Variants in ARPC3 observed in about 807,000 individuals in gnomAD.
ARPC3 encodes actin-related protein 2/3 complex subunit 3.
Under a neutral mutation model 27.6 loss-of-function variants are expected in ARPC3, and 12 were observed. The observed-to-expected ratio is 0.43, with a 90% CI of 0.28 to 0.70. The LOEUF (loss-of-function observed/expected upper bound fraction) is 0.70. Ranked by LOEUF, ARPC3 falls within the 30% of genes least tolerant of loss-of-function variation. The probability of loss-of-function intolerance (pLI) is 0.17; values close to 1 mark genes in which losing one functional copy is unlikely to be tolerated. For missense variants in ARPC3, 153 were observed against 207.7 expected, an observed-to-expected ratio of 0.74 and a Z score of 1.62; for synonymous variants, 53 against 67.2, an observed-to-expected ratio of 0.79 and a Z score of 1.03.
chr12:110,448,839 G>C (rs144256132), intron 1 of ARPC3, among the ~76,000 whole-genome samples: 5 of 143,998 alleles, frequency 3.5e-5, no homozygotes, highest in African/African-American at 5.1e-5. Flanking sequence ...GCAGTGGCAC[G>C]GTCTCGGCTC....
Position 110,437,165 on chromosome 12 carries a change from AAAG to A in ARPC3, c.184-16_184-14del, listed in dbSNP as rs1224519970. 1 of 1,535,744 alleles carries A rather than the reference AAAG, an allele frequency of 6.5e-7. No individual in the cohort carries two copies. The highest frequency in any genetic ancestry group is 1.4e-5 in the African/African-American group (1 of 73,346). ...TATCAGCTTCATTCTACAGGGAGAA[AAAG>A]AAGACTTAAAAACAGTTATCAAAAC... On this transcript the variant is annotated splice_polypyrimidine_tract_variant and intron_variant, in intron 3 of 6. Coordinates refer to ENST00000228825, the MANE Select transcript of ARPC3 (RefSeq NM_001278556.2).
At position 110,440,401 on chromosome 12, in the gene ARPC3, C is replaced by CA. The variant is rs1377998418; in HGVS notation, c.107-14dup. On this transcript the variant is annotated splice_polypyrimidine_tract_variant and intron_variant, in intron 2 of 6. Coordinates refer to ENST00000228825, the MANE Select transcript of ARPC3 (RefSeq NM_001278556.2). ...TCTGTATCTTTTGCTAAGCAGGACA[C>CA]AAGGGAAGGAGCACAGAGAACATTA... 1.3e-6 allele frequency: 2 copies of CA among 1,584,414 alleles called. No homozygotes were observed. Among genetic ancestry groups the CA allele is most frequent in the Admixed American group, 3.3e-5 (2 of 59,958 alleles).
intron 1 of ARPC3, among the ~76,000 whole-genome samples, chr12:110,446,317 G>C (rs2062464487): frequency 7.5e-6 from 1 of 133,046 alleles, no homozygotes; most frequent in African/African-American, 2.9e-5. Flanking sequence ...TTTTTTTTGA[G>C]ACAGAGTTTG....
intron 1 of ARPC3, among the ~76,000 whole-genome samples, chr12:110,448,895 C>A (rs986738554): frequency 6.6e-6 from 1 of 151,410 alleles, no homozygotes; most frequent in Admixed American, 6.6e-5. Flanking sequence ...CCTGCCTCAG[C>A]CTCCCAAGTA....
At chr12:110,450,181 C>G (rs1363762198) in intron 1 of ARPC3, 74 bp downstream of exon 1, 1 of 1,601,942 alleles carries the variant, frequency 6.2e-7, no homozygotes, top group Non-Finnish European at 8.5e-7. Flanking sequence ...GCCCGCTTCT[C>G]TCGGCACACA....
chr12:110,435,265 TA>T, intron 6 of ARPC3, 48 bp from the exon 7 acceptor site: 1 of 1,375,316 alleles, frequency 7.3e-7, no homozygotes, highest in Non-Finnish European at 1.0e-6. Flanking sequence ...CAAATTACAA[TA>T]GAATTTGCAT....
At chr12:110,435,474 C>T (rs1298110218) in intron 6 of ARPC3, among the ~76,000 whole-genome samples, 1 of 151,896 alleles carries the variant, frequency 6.6e-6, no homozygotes, top group Non-Finnish European at 1.5e-5. Context: ...GGACTACAGG[C>T]GCCTGCCACC....
At chr12:110,443,292 G>T (rs1296635929) in intron 2 of ARPC3, among the ~76,000 whole-genome samples, 1 of 151,610 alleles carries the variant, frequency 6.6e-6, no homozygotes, top group Non-Finnish European at 1.5e-5. Flanking sequence ...CTAATTTTTT[G>T]TATTTTTAGT....
At chr12:110,445,005 A>C (rs1047322878) in intron 2 of ARPC3, 21 of 209,184 alleles carry the variant, frequency 1.0e-4, no homozygotes, top group Admixed American at 3.2e-4. Context: ...AATGTTACAT[A>C]GTACACTTCA....
intron 6 of ARPC3, among the ~76,000 whole-genome samples, chr12:110,435,857 C>T (rs972787752): frequency 5.3e-5 from 8 of 150,938 alleles, no homozygotes; most frequent in Middle Eastern, 3.3e-3. Context: ...AACTCCTGAC[C>T]GCAAGTGATC....
intron 1 of ARPC3, among the ~76,000 whole-genome samples, chr12:110,447,428 T>C (rs533458077): frequency 2.6e-5 from 4 of 152,322 alleles, no homozygotes; most frequent in Admixed American, 2.6e-4. Flanking sequence ...TATAGTAATA[T>C]ACAAAGTAGT....
chr12:110,448,021 G>A (rs1045566676), intron 1 of ARPC3, among the ~76,000 whole-genome samples: 1 of 151,358 alleles, frequency 6.6e-6, no homozygotes, highest in Non-Finnish European at 1.5e-5. Context: ...AGGCTGGGAG[G>A]ACATGCACTA....
chr12:110,446,296 A>T (rs1450867594), intron 1 of ARPC3, among the ~76,000 whole-genome samples: 1 of 135,950 alleles, frequency 7.4e-6, no homozygotes, highest in African/African-American at 3.0e-5. Flanking sequence ...GCTACTTCCT[A>T]ATTTTTTTTT....
chr12:110,446,608 CTAATTT>C (rs1258927654), intron 1 of ARPC3, among the ~76,000 whole-genome samples: 1 of 142,562 alleles, frequency 7.0e-6, no homozygotes, highest in Non-Finnish European at 1.5e-5. Context: ...GGCCTACTTC[CTAATTT>C]TTTTTTTTTT....
rs1328620254 is a variant in ARPC3 at position 110,444,295 on chromosome 12, T to C, written c.106+1157A>G. On this transcript the variant is annotated intron_variant, in intron 2 of 6. Coordinates refer to ENST00000228825, the MANE Select transcript of ARPC3 (RefSeq NM_001278556.2). ...CTTTGCAGTGAAAAAAAATTTTTTT[T>C]TTTTTTTGAGATGAAGTCTCACTCT... Among the ~76,000 whole-genome samples the C allele has an allele frequency of 2.0e-5, 3 of 151,758 alleles. No individual in the cohort carries two copies. The East Asian group carries it at 5.8e-4, about 29-fold the overall frequency.
At chr12:110,450,177 T>C in intron 1 of ARPC3, 78 bp downstream of exon 1, 1 of 1,595,846 alleles carries the variant, frequency 6.3e-7, no homozygotes, top group Non-Finnish European at 8.6e-7. Flanking sequence ...CGCCGCCCGC[T>C]TCTCTCGGCA....
In ARPC3 at chr12:110,435,237, C is replaced by A. The variant is rs746918995; in HGVS notation, c.475-20G>T. On this transcript the variant is annotated intron_variant, in intron 6 of 6. Coordinates refer to ENST00000228825, the MANE Select transcript of ARPC3 (RefSeq NM_001278556.2). ...CCACCACTAACAAGAGAGAACAACA[C>A]AGAATGAACAGCGGGGTCAAATTAC... 6.3e-7 allele frequency: 1 copy of A among 1,579,752 alleles called. No homozygotes were observed. The highest frequency in any genetic ancestry group is 1.1e-5 in the South Asian group (1 of 90,384).
At chr12:110,449,892 A>C (rs1391411616) in intron 1 of ARPC3, among the ~76,000 whole-genome samples, 1 of 152,182 alleles carries the variant, frequency 6.6e-6, no homozygotes, top group Non-Finnish European at 1.5e-5. Flanking sequence ...GGCCTGACAG[A>C]AAAAGGAGAA....
chr12:110,447,640 G>C (rs2062472496), intron 1 of ARPC3, among the ~76,000 whole-genome samples: 1 of 152,138 alleles, frequency 6.6e-6, no homozygotes, highest in Non-Finnish European at 1.5e-5. Context: ...GGGTGTGGTA[G>C]TGCATGCCTG....
Sources: gnomAD v4.1 joint callset for allele counts (sites outside exome capture counted in the v4.1 genomes callset) on GRCh38, gnomAD v4.1.1 for gene constraint, MANE v1.5 for transcripts, NCBI Gene and HGNC (gene_info 2026-07-23, HGNC 2026-07-21) for gene names.